UBAC1: variants seen among roughly 807,000 people sequenced by gnomAD.
UBAC1 encodes UBA domain containing 1, also known as ubiquitin-associated domain-containing protein 1.
A neutral mutation model predicts 45.9 loss-of-function variants in UBAC1; 27 were observed. That is an observed-to-expected ratio of 0.59 (90% confidence interval 0.43 to 0.81). UBAC1 has a LOEUF of 0.81. Ranked by LOEUF, UBAC1 falls within the 30% of genes least tolerant of loss-of-function variation. The pLI is 0.00. For synonymous variants in UBAC1, 227 were observed against 215.5 expected (o/e 1.05, Z -0.47); for missense variants, 529 against 539.2 (o/e 0.98, Z 0.19).
chr9:135,936,652 C>A (rs866581649), intron 9 of UBAC1, among the ~76,000 whole-genome samples: 2 of 152,076 alleles, frequency 1.3e-5, no homozygotes, highest in Admixed American at 1.3e-4. Context: ...TACCACCATG[C>A]CCAACTAATT....
intron 9 of UBAC1, among the ~76,000 whole-genome samples, chr9:135,936,221 A>G (rs1297987316): frequency 2.0e-5 from 3 of 152,076 alleles, no homozygotes; most frequent in Non-Finnish European, 4.4e-5. Flanking sequence ...GACAGACCCC[A>G]AGGCAGCACA....
intron 2 of UBAC1, among the ~76,000 whole-genome samples, chr9:135,954,428 A>G (rs1244569419): frequency 6.6e-6 from 1 of 152,180 alleles, no homozygotes; most frequent in Non-Finnish European, 1.5e-5. Flanking sequence ...TGGGTGACTG[A>G]GCGACACCCT....
At chr9:135,957,654 T>C (rs1839483111) in intron 1 of UBAC1, among the ~76,000 whole-genome samples, 1 of 151,882 alleles carries the variant, frequency 6.6e-6, no homozygotes, top group Non-Finnish European at 1.5e-5. Flanking sequence ...TCGTTTCTGC[T>C]TGTACCTGAT....
intron 9 of UBAC1, among the ~76,000 whole-genome samples, chr9:135,937,032 C>T (rs1564194229): frequency 1.3e-5 from 2 of 152,208 alleles, no homozygotes. Context: ...CTCTCACAGC[C>T]AAGGTTCTAC....
intron 9 of UBAC1, among the ~76,000 whole-genome samples, chr9:135,934,360 A>G (rs1166856861): frequency 6.6e-6 from 1 of 152,072 alleles, no homozygotes; most frequent in Non-Finnish European, 1.5e-5. Flanking sequence ...TCCAAAAACC[A>G]CTTTAAAATC....
intron 1 of UBAC1, among the ~76,000 whole-genome samples, chr9:135,957,050 C>T: frequency 6.6e-6 from 1 of 152,242 alleles, no homozygotes; most frequent in East Asian, 1.9e-4. Context: ...CTCTGAAACA[C>T]CCAGCACACA....
intron 2 of UBAC1, 126 bp downstream of exon 2, chr9:135,955,169 C>G (rs1839451641): frequency 4.9e-6 from 5 of 1,010,310 alleles, no homozygotes; most frequent in Non-Finnish European, 6.6e-6. Context: ...TTTAGTCGAT[C>G]TCGTTTTTGT....
At position 135,958,171 on chromosome 9, in the gene UBAC1, C is replaced by T. The variant is rs545565653; in HGVS notation, c.139-2756G>A. Among the ~76,000 whole-genome samples the T allele has an allele frequency of 5.3e-5, 8 of 152,028 alleles. No individual in the cohort carries two copies. In the South Asian group the frequency reaches 1.7e-3, roughly 32 times the overall value. On this transcript the variant is annotated intron_variant, in intron 1 of 9. Transcript: ENST00000371756. ...ACACCATTCTCCTGTCTCAGCCTCC[C>T]GAGTAGCTGGGACTACAGGTGCCCG...
chr9:135,948,480 G>A (rs574010351), intron 3 of UBAC1, among the ~76,000 whole-genome samples: 4 of 152,244 alleles, frequency 2.6e-5, no homozygotes, highest in Non-Finnish European at 5.9e-5. Context: ...GAACTGCATC[G>A]GTGGCAGGGG....
intron 3 of UBAC1, among the ~76,000 whole-genome samples, chr9:135,949,623 A>G (rs1269121608): frequency 1.3e-5 from 2 of 152,214 alleles, no homozygotes; most frequent in Non-Finnish European, 2.9e-5. Context: ...CGAGGCCTCC[A>G]GACAGTTTCC....
rs955529938 is a variant in UBAC1, at chr9:135,961,269, G to C, written c.-107C>G. ...CAGACCGCCCGCGCGCTCCTTCGCT[G>C]GGCCGCCGCCCCGCCCCGGCTCCCG... On this transcript the variant is annotated 5_prime_UTR_variant, in exon 1 of 10. Transcript: ENST00000371756. 3.9e-6 allele frequency: 4 copies of C among 1,029,972 alleles called. No homozygotes were observed. Among genetic ancestry groups the C allele is most frequent in the Non-Finnish European group, 4.8e-6 (4 of 832,086 alleles). 63.8% of individuals were successfully genotyped at this position (1,029,972 alleles called of 1,614,324 possible).
Position 135,945,187 on chromosome 9 carries a change from C to T in UBAC1, c.717G>A (p.Thr239=), listed in dbSNP as rs747291545. The T allele has an allele frequency of 3.7e-6, 6 of 1,612,776 alleles. No homozygotes were observed. The highest frequency in any genetic ancestry group is 3.4e-6 in the Non-Finnish European group (4 of 1,179,594). ...CTGGGGGAGCTTGGCCAGGAAGAGG[C>T]GTGTCTATGGTCGGGTCTTCTGCGT... is the stretch of plus-strand genomic sequence containing the variant. The part of the protein sequence containing the change: ...IEHAEDPTID[T]PLPGQAPPEA... The change falls in exon 7 of 10, where the codon ACG becomes ACA. Residue 239 remains threonine, a synonymous_variant. Transcript: ENST00000371756.
intron 6 of UBAC1, 117 bp downstream of exon 6, chr9:135,945,772 C>T (rs1016222356): frequency 1.4e-5 from 11 of 763,838 alleles, no homozygotes; most frequent in Non-Finnish European, 2.3e-5. Context: ...CAAAACCCCA[C>T]GTTAGAAATG....
chr9:135,947,866 G>A lies in UBAC1; in HGVS notation c.373C>T (p.Leu125=), dbSNP rs755349598. The change falls in exon 4 of 10, where the codon CTG becomes TTG. Residue 125 remains leucine (L), a synonymous_variant. Transcript: ENST00000371756. The part of the protein sequence containing the change: ...DQKAPDKEAI[L]RATANLPSYN... ...GAGGGCAGGTTGGCGGTGGCCCGCA[G>A]TATGGCCTCTTTATCTGGAGCTTTC... 9 of 1,614,088 alleles carry A rather than the reference G, an allele frequency of 5.6e-6. No homozygotes were observed. In the Admixed American group the frequency reaches 1.3e-4, roughly 24 times the overall value.
At chr9:135,935,940 G>A (rs1481962210) in intron 9 of UBAC1, among the ~76,000 whole-genome samples, 1 of 151,654 alleles carries the variant, frequency 6.6e-6, no homozygotes, top group Non-Finnish European at 1.5e-5. Flanking sequence ...GCAGGAGAAT[G>A]GCGTGAACCC....
chr9:135,948,141 C>A, intron 3 of UBAC1: 1 of 471,996 alleles, frequency 2.1e-6, no homozygotes, highest in Non-Finnish European at 3.8e-6. Context: ...AGGTGAGGGG[C>A]AGAGCAGGAG....
At chr9:135,951,134 A>C (rs1212447509) in intron 3 of UBAC1, among the ~76,000 whole-genome samples, 1 of 152,038 alleles carries the variant, frequency 6.6e-6, no homozygotes, top group East Asian at 2.0e-4. Flanking sequence ...TTGTAGAGAC[A>C]GGGTTTCATC....
intron 8 of UBAC1, 26 bp from the exon 9 acceptor site, chr9:135,938,386 A>T (rs1371350864): frequency 1.2e-6 from 2 of 1,608,426 alleles, no homozygotes; most frequent in Non-Finnish European, 1.7e-6. Context: ...CACCAATACC[A>T]CTGTTAGCGC....
intron 1 of UBAC1, among the ~76,000 whole-genome samples, chr9:135,960,061 CCA>C (rs532494813): frequency 1.2e-3 from 188 of 152,318 alleles, no homozygotes; most frequent in Middle Eastern, 6.8e-3. Flanking sequence ...TCCTTAGAGA[CCA>C]CACTCAGCTC....
Sources: gnomAD v4.1 joint callset for allele counts (sites outside exome capture counted in the v4.1 genomes callset) on GRCh38, gnomAD v4.1.1 for gene constraint, MANE v1.5 for transcripts, NCBI Gene and HGNC (gene_info 2026-07-23, HGNC 2026-07-21) for gene names.